GPR176: variants seen among roughly 807,000 people sequenced by gnomAD.
GPR176 encodes the protein G-protein coupled receptor 176.
A neutral mutation model predicts 35.4 loss-of-function variants in GPR176; 26 were observed. The ratio of observed to expected loss-of-function variants is 0.74; its 90% CI spans 0.54 to 1.02. The LOEUF (loss-of-function observed/expected upper bound fraction) is 1.02, where lower values mean the gene tolerates loss of function less well. Ranked by LOEUF, GPR176 falls within the 50% of genes least tolerant of loss-of-function variation. The probability of loss-of-function intolerance (pLI) is 0.00; values close to 1 mark genes in which losing one functional copy is unlikely to be tolerated. For missense variants in GPR176, 597 were observed against 665.3 expected, an observed-to-expected ratio of 0.90 and a Z score of 1.13; for synonymous variants, 278 against 271.3, an observed-to-expected ratio of 1.02 and a Z score of -0.24.
At chr15:39,814,453 TCA>T (rs1270951194) in intron 1 of GPR176, among the ~76,000 whole-genome samples, 1 of 152,244 alleles carries the variant, frequency 6.6e-6, no homozygotes, top group African/African-American at 2.4e-5. Flanking sequence ...TTCCTAGTAT[TCA>T]GTTAGTTTAC....
chr15:39,827,613 G>C (rs1308141777), intron 1 of GPR176, among the ~76,000 whole-genome samples: 1 of 152,138 alleles, frequency 6.6e-6, no homozygotes, highest in African/African-American at 2.4e-5. Flanking sequence ...CAGTCAGTTG[G>C]GGAGCTTAGA....
At chr15:39,845,896 A>G (rs1196112289) in intron 1 of GPR176, among the ~76,000 whole-genome samples, 1 of 152,126 alleles carries the variant, frequency 6.6e-6, no homozygotes, top group Non-Finnish European at 1.5e-5. Flanking sequence ...GAGAATGTTA[A>G]TTTTAAAAAG....
At chr15:39,815,704 G>A (rs1280832530) in intron 1 of GPR176, among the ~76,000 whole-genome samples, 1 of 152,136 alleles carries the variant, frequency 6.6e-6, no homozygotes, top group African/African-American at 2.4e-5. Flanking sequence ...CACAGAAAAT[G>A]TAAATTAATA....
chr15:39,865,572 T>C (rs577204506), intron 1 of GPR176, among the ~76,000 whole-genome samples: 1 of 152,068 alleles, frequency 6.6e-6, no homozygotes, highest in Non-Finnish European at 1.5e-5. Flanking sequence ...GGAAGGAGGA[T>C]GGATGATGAA....
At chr15:39,910,418 T>C (rs1306955058) in intron 1 of GPR176, among the ~76,000 whole-genome samples, 1 of 151,834 alleles carries the variant, frequency 6.6e-6, no homozygotes, top group Non-Finnish European at 1.5e-5. Flanking sequence ...TAAAACCCCA[T>C]CTCTACTAAA....
intron 1 of GPR176, among the ~76,000 whole-genome samples, chr15:39,849,059 A>T (rs561941403): frequency 1.5e-4 from 23 of 152,256 alleles, no homozygotes; most frequent in African/African-American, 5.5e-4. Context: ...GATCAATGAA[A>T]TTGATAGGTC....
chr15:39,826,575 C>T (rs1210174154), intron 1 of GPR176, among the ~76,000 whole-genome samples: 1 of 152,202 alleles, frequency 6.6e-6, no homozygotes, highest in Non-Finnish European at 1.5e-5. Flanking sequence ...AGCCACAATG[C>T]CCCTAGCAAC....
intron 1 of GPR176, among the ~76,000 whole-genome samples, chr15:39,855,687 GT>G (rs2031170551): frequency 6.6e-6 from 1 of 152,170 alleles, no homozygotes; most frequent in Non-Finnish European, 1.5e-5. Flanking sequence ...TAGTAACTCA[GT>G]TGAGTTATGT....
At chr15:39,908,241 C>T (rs1213318709) in intron 1 of GPR176, among the ~76,000 whole-genome samples, 47 of 152,190 alleles carry the variant, frequency 3.1e-4, no homozygotes, top group Admixed American at 3.0e-3. Flanking sequence ...GCTTTATGAT[C>T]CTCCTCAGTG....
chr15:39,888,406 C>T (rs963523546), intron 1 of GPR176, among the ~76,000 whole-genome samples: 1 of 152,126 alleles, frequency 6.6e-6, no homozygotes, highest in Non-Finnish European at 1.5e-5. Flanking sequence ...TCACCTCAGT[C>T]CCCCAAGCAG....
intron 2 of GPR176, among the ~76,000 whole-genome samples, chr15:39,804,546 GATT>G (rs1405631624): frequency 6.6e-6 from 1 of 151,876 alleles, no homozygotes; most frequent in South Asian, 2.1e-4. Context: ...AACCCACAGG[GATT>G]ATTGCATTGC....
intron 1 of GPR176, among the ~76,000 whole-genome samples, chr15:39,886,676 T>C (rs1478550722): frequency 6.6e-6 from 1 of 152,208 alleles, no homozygotes; most frequent in East Asian, 1.9e-4. Flanking sequence ...TTGTAAATTA[T>C]TATGCAAATG....
intron 1 of GPR176, among the ~76,000 whole-genome samples, chr15:39,844,635 T>A (rs1480880149): frequency 6.6e-6 from 1 of 151,728 alleles, no homozygotes; most frequent in African/African-American, 2.4e-5. Flanking sequence ...CAAGAACCTA[T>A]AGGCTACATA....
chr15:39,908,217 T>C (rs572879620), intron 1 of GPR176, among the ~76,000 whole-genome samples: 1 of 152,176 alleles, frequency 6.6e-6, no homozygotes, highest in South Asian at 2.1e-4. Context: ...CCTCCCACCT[T>C]CTTCCACTGG....
At chr15:39,882,438 G>A (rs2032511664) in intron 1 of GPR176, among the ~76,000 whole-genome samples, 1 of 152,174 alleles carries the variant, frequency 6.6e-6, no homozygotes, top group African/African-American at 2.4e-5. Context: ...TGAGGGATAA[G>A]TACTTAAAAA....
At chr15:39,892,290 G>A (rs1392767702) in intron 1 of GPR176, among the ~76,000 whole-genome samples, 1 of 152,178 alleles carries the variant, frequency 6.6e-6, no homozygotes, top group Non-Finnish European at 1.5e-5. Flanking sequence ...GAGCCAAGCA[G>A]ACAAACTTAA....
intron 1 of GPR176, among the ~76,000 whole-genome samples, chr15:39,820,422 C>T (rs1323277091): frequency 1.3e-5 from 2 of 152,112 alleles, no homozygotes; most frequent in Non-Finnish European, 2.9e-5. Flanking sequence ...GGAATAAATG[C>T]TCAAACAGAA....
rs1900075982 is a variant in GPR176, at chr15:39,818,714, T to C, written c.173-11456A>G. 2.0e-5 allele frequency among the ~76,000 whole-genome samples: 3 copies of C among 152,234 alleles called. No homozygotes were observed. In the South Asian group the frequency reaches 6.2e-4, roughly 31 times the overall value. On this transcript the variant is annotated intron_variant, in intron 1 of 2. Coordinates refer to ENST00000561100, the MANE Select transcript of GPR176 (RefSeq NM_007223.3). ...GACCACAGTCAAGTCTGCCCCATCCTTGGGGCTCTCTCATGGAATTCACAA... is the reference window on the plus strand; with the variant it reads ...GACCACAGTCAAGTCTGCCCCATCCCTGGGGCTCTCTCATGGAATTCACAA...
intron 1 of GPR176, among the ~76,000 whole-genome samples, chr15:39,912,166 T>A (rs989801574): frequency 1.3e-5 from 2 of 152,050 alleles, no homozygotes; most frequent in African/African-American, 4.8e-5. Flanking sequence ...TAAGATAAAG[T>A]TTTCTTATTT....
Sources: gnomAD v4.1 joint callset for allele counts (sites outside exome capture counted in the v4.1 genomes callset) on GRCh38, gnomAD v4.1.1 for gene constraint, MANE v1.5 for transcripts, NCBI Gene and HGNC (gene_info 2026-07-23, HGNC 2026-07-21) for gene names.